Variants in AOAH observed in about 807,000 individuals in gnomAD.
AOAH encodes acyloxyacyl hydrolase, also known as acyloxyacyl hydrolase (neutrophil).
In AOAH, 64 loss-of-function variants were observed where a neutral mutation model predicts 92.2. That is an observed-to-expected ratio of 0.69 (90% CI 0.57 to 0.86). AOAH has a LOEUF of 0.86. Ranked by LOEUF, AOAH falls within the 40% of genes least tolerant of loss-of-function variation. The probability of loss-of-function intolerance (pLI) is 0.00; values close to 1 mark genes in which losing one functional copy is unlikely to be tolerated. For synonymous variants in AOAH, 263 were observed against 254.5 expected (o/e 1.03, Z -0.32); for missense variants, 656 against 694.6 (o/e 0.94, Z 0.62).
chr7:36,600,483 T>C (rs1790477800), intron 11 of AOAH, among the ~76,000 whole-genome samples: 1 of 152,204 alleles, frequency 6.6e-6, no homozygotes, highest in South Asian at 2.1e-4. Context: ...AGGACTGCTC[T>C]GGTCTGAACT....
chr7:36,659,755 C>CTTTTT (rs112482487), intron 3 of AOAH, among the ~76,000 whole-genome samples: 33 of 127,898 alleles, frequency 2.6e-4, no homozygotes, highest in East Asian at 4.4e-4. Context: ...TTTTTTCTTT[C>CTTTTT]TTTTTTTTTT....
In AOAH at chr7:36,710,179, G is replaced by A. The variant is rs1798670343; in HGVS notation, c.127+13843C>T. Among the ~76,000 whole-genome samples, 4 of 152,244 alleles carry A rather than the reference G, an allele frequency of 2.6e-5. No individual in the cohort carries two copies. In the Middle Eastern group the frequency reaches 0.01, roughly 388 times the overall value. On this transcript the variant is annotated intron_variant, in intron 1 of 20. Coordinates refer to ENST00000617537, the MANE Select transcript of AOAH (RefSeq NM_001637.4). ...GATATCACTTCCACGGTTATATTCT[G>A]TTACATGGCAATGACAAAAGGATTC...
intron 16 of AOAH, among the ~76,000 whole-genome samples, chr7:36,537,163 T>C (rs193044058): frequency 3.9e-4 from 60 of 152,086 alleles, no homozygotes; most frequent in Non-Finnish European, 3.2e-4. Context: ...GCAGCAGAGA[T>C]AATTTAGGAT....
At position 36,686,728 on chromosome 7, in the gene AOAH, G is replaced by A. The variant is rs1471898461; in HGVS notation, c.194C>T (p.Ser65Leu). 3.8e-6 allele frequency: 6 copies of A among 1,561,492 alleles called. No homozygotes were observed. Among genetic ancestry groups the A allele is most frequent in the South Asian group, 2.4e-5 (2 of 83,532 alleles). Residue 65 changes from serine to leucine, a missense_variant, in exon 2 of 21, where the codon TCG (serine) becomes TTG (leucine). Physicochemically the swap from Ser to Leu is moderately radical, Grantham distance 145 (BLOSUM62 -2). Transcript: ENST00000617537. ...CAGGTAGCTGCACAGTCTCTCCATCGAGGCCTGGACCGTCGAGTTGTGAAC... is the reference window on the plus strand; with the variant it reads ...CAGGTAGCTGCACAGTCTCTCCATCAAGGCCTGGACCGTCGAGTTGTGAAC... Reference protein sequence around the residue: ...AQVHNSTVQASMERLCSYLPE... With the variant: ...AQVHNSTVQALMERLCSYLPE...
chr7:36,673,969 G>A lies in AOAH; in HGVS notation c.264C>T (p.Asp88=), dbSNP rs1427817358. The A allele has an allele frequency of 1.9e-6, 3 of 1,610,526 alleles. No individual in the cohort carries two copies. Among genetic ancestry groups the A allele is most frequent in the Non-Finnish European group, 2.5e-6 (3 of 1,177,136 alleles). ...GTTTTATGATGTCTGATCCAAACTTGTCAATGACTAAATAGCAGGTGGTTT... is the reference window on the plus strand; with the variant it reads ...GTTTTATGATGTCTGATCCAAACTTATCAATGACTAAATAGCAGGTGGTTT... ...FLKTTCYLVI[D]KFGSDIIKLL... Residue 88 remains aspartate (D), a synonymous_variant, in exon 3 of 21, where the codon GAC becomes GAT. Coordinates refer to ENST00000617537, the MANE Select transcript of AOAH (RefSeq NM_001637.4).
At chr7:36,539,806 A>C (rs1055982910) in intron 16 of AOAH, among the ~76,000 whole-genome samples, 4 of 152,244 alleles carry the variant, frequency 2.6e-5, no homozygotes, top group Non-Finnish European at 5.9e-5. Context: ...TTATTTGTAC[A>C]GTATCGAGAA....
rs1452357126 is a variant in AOAH, at chr7:36,513,011, C to G, written c.*241G>C. The G allele has an allele frequency of 1.4e-5, 22 of 1,521,424 alleles. No homozygotes were observed. Among genetic ancestry groups the G allele is most frequent in the Non-Finnish European group, 1.9e-5 (22 of 1,135,370 alleles). 94.2% of individuals were successfully genotyped at this position (1,521,424 alleles called of 1,614,324 possible). On this transcript the variant is annotated 3_prime_UTR_variant, in exon 21 of 21. Coordinates refer to ENST00000617537, the MANE Select transcript of AOAH (RefSeq NM_001637.4). ...AGATACTCTCTTGTTTGGAATGGCACCCAAAGCACTTTATGAAAGGTTATT... is the reference window on the plus strand; with the variant it reads ...AGATACTCTCTTGTTTGGAATGGCAGCCAAAGCACTTTATGAAAGGTTATT...
chr7:36,548,750 C>CT, intron 14 of AOAH, 64 bp from the exon 15 acceptor site: 2 of 1,461,034 alleles, frequency 1.4e-6, no homozygotes, highest in Non-Finnish European at 1.9e-6. Flanking sequence ...TAGCCAGTGA[C>CT]ACAGGCTGGG....
chr7:36,628,506 T>C (rs1288403294), intron 6 of AOAH, among the ~76,000 whole-genome samples: 1 of 152,066 alleles, frequency 6.6e-6, no homozygotes. Context: ...GGATCCCTGC[T>C]CTCCAGGAGC....
At chr7:36,650,716 G>A (rs1446073187) in intron 4 of AOAH, among the ~76,000 whole-genome samples, 1 of 152,176 alleles carries the variant, frequency 6.6e-6, no homozygotes, top group East Asian at 1.9e-4. Flanking sequence ...ATCCTCACAA[G>A]GGAGAAGGTA....
chr7:36,632,531 C>A (rs1046267355), intron 5 of AOAH, among the ~76,000 whole-genome samples: 1 of 152,202 alleles, frequency 6.6e-6, no homozygotes, highest in Non-Finnish European at 1.5e-5. Flanking sequence ...AAGGTCCCTT[C>A]CCCCACAGAG....
intron 16 of AOAH, among the ~76,000 whole-genome samples, chr7:36,534,441 A>AGTT (rs1373229689): frequency 1.3e-5 from 2 of 152,206 alleles, no homozygotes; most frequent in East Asian, 3.9e-4. Context: ...AACCTGGGAA[A>AGTT]GTTGCAATGA....
In AOAH at chr7:36,532,331, T is replaced by C; in HGVS notation, c.1320A>G (p.Lys440=). The change falls in exon 17 of 21, where the codon AAA becomes AAG. Residue 440 remains lysine, a synonymous_variant. Transcript: ENST00000617537. ...AGTACAACTGCGCATAGGTCATGTC[T>C]TTATTTAGCTGGCCTGGAAAACAGA... ...NRYHPLGQLN[K]DMTYAQLYSF... is the part of the protein sequence containing the mutation. 1 of 1,613,840 alleles carries C rather than the reference T, an allele frequency of 6.2e-7. No homozygotes were observed. Among genetic ancestry groups the C allele is most frequent in the Non-Finnish European group, 8.5e-7 (1 of 1,180,016 alleles).
At position 36,724,276 on chromosome 7, in the gene AOAH, C is replaced by A. The variant is rs1318702289; in HGVS notation, c.-128G>T. The A allele has an allele frequency of 2.8e-6, 3 of 1,068,862 alleles. No homozygotes were observed. The Admixed American group carries it at 6.3e-5, about 22-fold the overall frequency. 66.2% of individuals were successfully genotyped at this position (1,068,862 alleles called of 1,614,324 possible). ...TTCCTCACTCTCTTTGACACACACACCCCACCCTCTCACATACACACTTTT... is the reference window on the plus strand; with the variant it reads ...TTCCTCACTCTCTTTGACACACACAACCCACCCTCTCACATACACACTTTT... On this transcript the variant is annotated 5_prime_UTR_variant, in exon 1 of 21. Coordinates refer to ENST00000617537, the MANE Select transcript of AOAH (RefSeq NM_001637.4).
intron 4 of AOAH, among the ~76,000 whole-genome samples, chr7:36,658,675 G>A (rs1465791792): frequency 1.3e-5 from 2 of 152,108 alleles, no homozygotes; most frequent in South Asian, 2.1e-4. Context: ...TTAGCTCACC[G>A]ACTTCCCACA....
At chr7:36,621,674 T>G in intron 8 of AOAH, 36 bp downstream of exon 8, 1 of 1,603,258 alleles carries the variant, frequency 6.2e-7, no homozygotes, top group Non-Finnish European at 8.5e-7. Context: ...TTTCTGAAGA[T>G]AATTTTAAAA....
intron 13 of AOAH, among the ~76,000 whole-genome samples, chr7:36,570,446 G>C (rs962719892): frequency 2.0e-5 from 3 of 152,170 alleles, no homozygotes; most frequent in Non-Finnish European, 4.4e-5. Flanking sequence ...TGGCTGTTGC[G>C]AAGAATGCCT....
intron 3 of AOAH, among the ~76,000 whole-genome samples, chr7:36,663,474 C>G (rs1261971777): frequency 1.3e-5 from 2 of 152,204 alleles, no homozygotes; most frequent in East Asian, 3.8e-4. Flanking sequence ...CTATTTGTCT[C>G]TCTCTCCATC....
rs3735387 is a variant in AOAH, at chr7:36,616,395, C to A, written c.831G>T (p.Ala277=). The change falls in exon 11 of 21, where the codon GCG becomes GCT. Residue 277 remains alanine, a synonymous_variant. Coordinates refer to ENST00000617537, the MANE Select transcript of AOAH (RefSeq NM_001637.4). ...AATTACTTACCAAAGACATCTGCGA[C>A]GCTGTGATCCATTCAGGAGAGATGT... ...HFHISPEWIT[A]SQMSLNSFIN... The A allele has an allele frequency of 6.2e-6, 10 of 1,613,700 alleles. No homozygotes were observed. Among genetic ancestry groups the A allele is most frequent in the Non-Finnish European group, 8.5e-6 (10 of 1,179,634 alleles).
Sources: allele counts gnomAD v4.1 joint callset (sites outside exome capture counted in the v4.1 genomes callset), GRCh38; gene constraint gnomAD v4.1.1; transcripts MANE v1.5; gene names NCBI Gene and HGNC (gene_info 2026-07-23, HGNC 2026-07-21).